The following CYTH3 variants were observed in gnomAD, a reference collection of about 807,000 sequenced individuals.
CYTH3 encodes cytohesin-3.
CYTH3 carries 23 observed loss-of-function variants against 55.1 expected under a neutral mutation model. The ratio of observed to expected loss-of-function variants is 0.42; its 90% CI spans 0.30 to 0.59. CYTH3 has a LOEUF of 0.59. CYTH3 is among the 20% of genes least tolerant of loss of function. The pLI, the probability that CYTH3 is intolerant of heterozygous loss-of-function variation, is 0.20. For synonymous variants in CYTH3, 249 were observed against 194.9 expected, an observed-to-expected ratio of 1.28 and a Z score of -2.31; for missense variants, 413 against 524.8, an observed-to-expected ratio of 0.79 and a Z score of 2.08.
At chr7:6,194,937 T>C (rs944386296) in intron 1 of CYTH3, among the ~76,000 whole-genome samples, 1 of 151,956 alleles carries the variant, frequency 6.6e-6, no homozygotes, top group East Asian at 1.9e-4. Context: ...ATCGCGTCAT[T>C]GCACTCCAGC....
At position 6,164,382 on chromosome 7, in the gene CYTH3, A is replaced by G. The variant is rs767752392; in HGVS notation, c.*562T>C. The G allele has an allele frequency of 6.5e-6, 1 of 153,050 alleles. No individual in the cohort carries two copies. Among genetic ancestry groups the G allele is most frequent in the Admixed American group, 6.5e-5 (1 of 15,324 alleles). The allele number at this position is 153,050 out of a possible 1,614,324, so 9.5% of individuals were successfully genotyped here. Reference sequence around the variant, plus strand: ...ACTGTTAGAAAGTATCTTTTGTTATAATTTCAGAATATAAAAAGGCATATA... The same window carrying G: ...ACTGTTAGAAAGTATCTTTTGTTATGATTTCAGAATATAAAAAGGCATATA... On this transcript the variant is annotated 3_prime_UTR_variant, in exon 13 of 13. Transcript: ENST00000350796.
chr7:6,238,018 G>A (rs542511669), intron 1 of CYTH3, among the ~76,000 whole-genome samples: 2 of 152,154 alleles, frequency 1.3e-5, no homozygotes, highest in Admixed American at 6.5e-5. Flanking sequence ...AGATACCAGG[G>A]TCCCCACTCA....
At position 6,259,763 on chromosome 7, in the gene CYTH3, AT is replaced by A. The variant is rs1418278191; in HGVS notation, c.34+12710del. Among the ~76,000 whole-genome samples, 7 of 25,330 alleles carry A rather than the reference AT, an allele frequency of 2.8e-4. 1 individual carries two copies. Among genetic ancestry groups the A allele is most frequent in the Admixed American group, 6.8e-4 (1 of 1,480 alleles). The allele number at this position is 25,330 out of a possible 152,430, so 16.6% of individuals were successfully genotyped here. On this transcript the variant is annotated intron_variant, in intron 1 of 12. Coordinates refer to ENST00000350796, the MANE Select transcript of CYTH3 (RefSeq NM_004227.4). ...TATATAATATATATATATATTATAT[AT>A]ATATATATTATATATATATAATATA...
chr7:6,166,509 A>C (rs1454974954), intron 9 of CYTH3, among the ~76,000 whole-genome samples: 2 of 152,100 alleles, frequency 1.3e-5, no homozygotes, highest in Non-Finnish European at 2.9e-5. Flanking sequence ...TGCGGAGCTC[A>C]CCCGGCTTTC....
intron 9 of CYTH3, among the ~76,000 whole-genome samples, chr7:6,166,513 G>A (rs764441713): frequency 7.9e-5 from 12 of 152,334 alleles, no homozygotes; most frequent in East Asian, 1.9e-4. Flanking sequence ...GAGCTCACCC[G>A]GCTTTCTCTG....
intron 1 of CYTH3, among the ~76,000 whole-genome samples, chr7:6,254,638 C>A (rs1016059883): frequency 2.0e-5 from 3 of 152,152 alleles, no homozygotes; most frequent in Non-Finnish European, 1.5e-5. Flanking sequence ...TTAGTAGAGA[C>A]AGGCTTTCAC....
chr7:6,178,694 A>C (rs962336976), intron 4 of CYTH3, among the ~76,000 whole-genome samples: 1 of 152,144 alleles, frequency 6.6e-6, no homozygotes, highest in Non-Finnish European at 1.5e-5. Context: ...TGTAAGATAC[A>C]TTTTGTTGGA....
chr7:6,239,104 C>T (rs948797972), intron 1 of CYTH3, among the ~76,000 whole-genome samples: 3 of 152,164 alleles, frequency 2.0e-5, no homozygotes, highest in Admixed American at 1.3e-4. Flanking sequence ...GTCCCAACTA[C>T]TCAGGAGGCT....
At chr7:6,258,942 A>G (rs1780205328) in intron 1 of CYTH3, among the ~76,000 whole-genome samples, 1 of 152,198 alleles carries the variant, frequency 6.6e-6, no homozygotes, top group Admixed American at 6.5e-5. Flanking sequence ...GATGTTCACT[A>G]AAAAATGAAA....
rs764601276 is a variant in CYTH3, at chr7:6,167,461, G to A, written c.824-1651C>T. Among the ~76,000 whole-genome samples, 1 of 152,204 alleles carries A rather than the reference G, an allele frequency of 6.6e-6. No homozygotes were observed. The highest frequency in any genetic ancestry group is 2.4e-5 in the African/African-American group (1 of 41,450). ...CTACCCTGACATCCGTCACTGTCAC[G>A]GTCGCCTCTGCTTCCCTCCAGAGAC... On this transcript the variant is annotated intron_variant, in intron 9 of 12. Coordinates refer to ENST00000350796, the MANE Select transcript of CYTH3 (RefSeq NM_004227.4). This position sits in a 1 kb window ranked among gnomAD's most constrained non-coding sequence, Gnocchi z 5.5.
intron 1 of CYTH3, among the ~76,000 whole-genome samples, chr7:6,202,843 T>TG (rs1352573007): frequency 2.0e-5 from 3 of 151,766 alleles, no homozygotes; most frequent in East Asian, 1.9e-4. Context: ...TGAACATAAG[T>TG]GAAAAAAAGG....
Position 6,171,762 on chromosome 7 carries a change from G to C in CYTH3, c.450-448C>G, listed in dbSNP as rs1239594182. 1 of 171,858 alleles carries C rather than the reference G, an allele frequency of 5.8e-6. No individual in the cohort carries two copies. Among genetic ancestry groups the C allele is most frequent in the Non-Finnish European group, 1.3e-5 (1 of 78,386 alleles). 10.6% of individuals were successfully genotyped at this position (171,858 alleles called of 1,614,324 possible). A position where few individuals can be genotyped will look rare whatever the true frequency, so the allele number is the denominator to read the frequency against. Reference sequence around the variant, plus strand: ...TATCCAAAGCCCCACCTACAGCACTGGGCGCTGCGGTCAGAAGCTGCTGCT... The same window carrying C: ...TATCCAAAGCCCCACCTACAGCACTCGGCGCTGCGGTCAGAAGCTGCTGCT... On this transcript the variant is annotated intron_variant, in intron 6 of 12. Transcript: ENST00000350796. This position sits in a 1 kb window ranked among gnomAD's most constrained non-coding sequence, Gnocchi z 6.7.
At chr7:6,265,120 C>A (rs1046124954) in intron 1 of CYTH3, among the ~76,000 whole-genome samples, 9 of 151,864 alleles carry the variant, frequency 5.9e-5, no homozygotes, top group Non-Finnish European at 1.0e-4. Flanking sequence ...TGAGACAGAG[C>A]AGAGTCAGGG....
intron 1 of CYTH3, among the ~76,000 whole-genome samples, chr7:6,228,228 T>G (rs1010745033): frequency 2.0e-5 from 3 of 151,996 alleles, no homozygotes; most frequent in Admixed American, 2.0e-4. Context: ...TTAAAGAGAA[T>G]GATCATATAA....
Position 6,170,105 on chromosome 7 carries a change from C to T in CYTH3, c.823+430G>A. The T allele has an allele frequency of 5.7e-6, 1 of 173,964 alleles. No individual in the cohort carries two copies. Among genetic ancestry groups the T allele is most frequent in the Non-Finnish European group, 1.2e-5 (1 of 81,340 alleles). 10.8% of individuals were successfully genotyped at this position (173,964 alleles called of 1,614,324 possible). A position where few individuals can be genotyped will look rare whatever the true frequency, so the allele number is the denominator to read the frequency against. On this transcript the variant is annotated intron_variant, in intron 9 of 12. Coordinates refer to ENST00000350796, the MANE Select transcript of CYTH3 (RefSeq NM_004227.4). The surrounding 1 kb of genome is among the most constrained non-coding windows in gnomAD (Gnocchi z 7.8). ...CCTAAAGCAGGACAAGCAGGGACAGCCCGTCACAGAACAGAAAGGTGGGAG... is the reference window on the plus strand; with the variant it reads ...CCTAAAGCAGGACAAGCAGGGACAGTCCGTCACAGAACAGAAAGGTGGGAG...
At chr7:6,233,815 G>C (rs1025086274) in intron 1 of CYTH3, among the ~76,000 whole-genome samples, 4 of 152,140 alleles carry the variant, frequency 2.6e-5, no homozygotes, top group East Asian at 1.9e-4. Context: ...TTGTAAACAG[G>C]AATCAATTTC....
chr7:6,207,580 T>C (rs1784224358), intron 1 of CYTH3, among the ~76,000 whole-genome samples: 1 of 151,354 alleles, frequency 6.6e-6, no homozygotes, highest in African/African-American at 2.4e-5. Flanking sequence ...GCCTGGGCAA[T>C]ATAGGCCACA....
intron 1 of CYTH3, among the ~76,000 whole-genome samples, chr7:6,197,882 A>C (rs928888064): frequency 6.6e-6 from 1 of 152,150 alleles, no homozygotes; most frequent in African/African-American, 2.4e-5. Flanking sequence ...GCTTGAGGCC[A>C]GGAGTTTGAG....
At position 6,177,883 on chromosome 7, in the gene CYTH3, T is replaced by C. The variant is rs372746038; in HGVS notation, c.308A>G (p.Gln103Arg). The change falls in exon 5 of 13, where the codon CAG becomes CGG. Residue 103 changes from glutamine to arginine, a missense_variant. Physicochemically the swap from Gln to Arg is conservative, Grantham distance 43. Coordinates refer to ENST00000350796, the MANE Select transcript of CYTH3 (RefSeq NM_004227.4). ...TAGGCCTTCTCCTTTATAAAGGAAC[T>C]GGGCGACGTCTTCTGGGGAACTCTG... ...LLQSSPEDVA[Q>R]FLYKGEGLNK... is the part of the protein sequence containing the mutation. The C allele has an allele frequency of 3.1e-6, 5 of 1,614,100 alleles. No individual in the cohort carries two copies. Among genetic ancestry groups the C allele is most frequent in the South Asian group, 1.1e-5 (1 of 91,088 alleles).
Sources: allele counts gnomAD v4.1 joint callset (sites outside exome capture counted in the v4.1 genomes callset), GRCh38; gene constraint gnomAD v4.1.1; non-coding constraint Gnocchi (gnomAD v3.1); transcripts MANE v1.5; gene names NCBI Gene and HGNC (gene_info 2026-07-23, HGNC 2026-07-21).